Variants in BORCS5 observed in about 807,000 individuals in gnomAD.
BORCS5 encodes the protein BLOC-1-related complex subunit 5.
Under a neutral mutation model 22.1 loss-of-function variants are expected in BORCS5, and 17 were observed. The ratio of observed to expected loss-of-function variants is 0.77; its 90% CI spans 0.53 to 1.15. The LOEUF (loss-of-function observed/expected upper bound fraction) is 1.15. BORCS5 is among the 50% of genes most tolerant of loss of function. BORCS5 has a pLI of 0.00. For missense variants in BORCS5, 247 were observed against 253.2 expected, an observed-to-expected ratio of 0.98 and a Z score of 0.17; for synonymous variants, 117 against 99.8, an observed-to-expected ratio of 1.17 and a Z score of -1.03.
intron 2 of BORCS5, among the ~76,000 whole-genome samples, chr12:12,363,312 A>G (rs567668471): frequency 1.7e-4 from 26 of 151,774 alleles, no homozygotes; most frequent in African/African-American, 6.3e-4. Flanking sequence ...AAAAAAAAAA[A>G]AAGCCGGCCA....
chr12:12,379,593 A>T (rs1402653707), intron 2 of BORCS5, among the ~76,000 whole-genome samples: 5 of 151,558 alleles, frequency 3.3e-5, no homozygotes, highest in African/African-American at 1.2e-4. Flanking sequence ...AGAGCTTTTA[A>T]GATCCACTAA....
At position 12,465,837 on chromosome 12, in the gene BORCS5, A is replaced by G; in HGVS notation, c.*61A>G. ...ACACCGACACCCTGAGGACGTGTGGAGCTAAGGTCATATCATCTGACCAGG... is the reference window on the plus strand; with the variant it reads ...ACACCGACACCCTGAGGACGTGTGGGGCTAAGGTCATATCATCTGACCAGG... On this transcript the variant is annotated 3_prime_UTR_variant, in exon 4 of 4. Coordinates refer to ENST00000314565, the MANE Select transcript of BORCS5 (RefSeq NM_058169.6). The G allele has an allele frequency of 2.8e-6, 4 of 1,420,556 alleles. No homozygotes were observed. Among genetic ancestry groups the G allele is most frequent in the East Asian group, 2.4e-5 (1 of 41,532 alleles). 88.0% of individuals were successfully genotyped at this position (1,420,556 alleles called of 1,614,324 possible).
intron 2 of BORCS5, among the ~76,000 whole-genome samples, chr12:12,423,043 C>T (rs1942181435): frequency 6.6e-6 from 1 of 151,662 alleles, no homozygotes; most frequent in Non-Finnish European, 1.5e-5. Flanking sequence ...ACTCTGTCAC[C>T]TAGGCTGGAG....
intron 2 of BORCS5, among the ~76,000 whole-genome samples, chr12:12,425,780 T>C (rs79706314): frequency 0.017 from 2,611 of 152,300 alleles, 77 homozygotes; most frequent in African/African-American, 0.06. Context: ...AATGAGATCA[T>C]TTCTTTGCTA....
intron 2 of BORCS5, among the ~76,000 whole-genome samples, chr12:12,404,952 C>T (rs912859352): frequency 1.3e-5 from 2 of 152,172 alleles, no homozygotes; most frequent in Non-Finnish European, 2.9e-5. Flanking sequence ...CCACCCACCT[C>T]GGCCTCCTAA....
intron 3 of BORCS5, among the ~76,000 whole-genome samples, chr12:12,442,023 C>A (rs1252466107): frequency 1.3e-5 from 2 of 152,142 alleles, no homozygotes; most frequent in African/African-American, 4.8e-5. Flanking sequence ...TAGGTTACAT[C>A]TATCATTGAA....
chr12:12,379,342 T>C (rs1863727180), intron 2 of BORCS5, among the ~76,000 whole-genome samples: 1 of 151,144 alleles, frequency 6.6e-6, no homozygotes, highest in South Asian at 2.1e-4. Flanking sequence ...CTTGAACTCC[T>C]GGCCTCAGGT....
intron 2 of BORCS5, among the ~76,000 whole-genome samples, chr12:12,378,837 C>G (rs952125335): frequency 6.6e-6 from 1 of 151,312 alleles, no homozygotes; most frequent in African/African-American, 2.4e-5. Context: ...ACTGCAGCCT[C>G]GACCTCCCAG....
chr12:12,447,977 A>T lies in BORCS5; in HGVS notation c.360+12192A>T, dbSNP rs1049649770. Among the ~76,000 whole-genome samples the T allele has an allele frequency of 7.4e-4, 112 of 152,178 alleles. 1 individual carries two copies. Among genetic ancestry groups the T allele is most frequent in the African/African-American group, 2.7e-3 (111 of 41,514 alleles). ...TGATGTGGTAGTGACAGCAGCAATA[A>T]TGTTGCAGCTGTCGTTTTTACATGT... On this transcript the variant is annotated intron_variant, in intron 3 of 3. Coordinates refer to ENST00000314565, the MANE Select transcript of BORCS5 (RefSeq NM_058169.6).
chr12:12,458,003 C>CA (rs1437458904), intron 3 of BORCS5, among the ~76,000 whole-genome samples: 2 of 152,214 alleles, frequency 1.3e-5, no homozygotes, highest in Non-Finnish European at 2.9e-5. Context: ...TAGAAGTCTC[C>CA]AGAGTCCTTA....
chr12:12,409,474 A>G (rs895046776), intron 2 of BORCS5, among the ~76,000 whole-genome samples: 3 of 151,682 alleles, frequency 2.0e-5, no homozygotes, highest in Non-Finnish European at 2.9e-5. Context: ...GTGAGAACAT[A>G]TGGTGTTTGG....
At chr12:12,449,495 A>C (rs1283843012) in intron 3 of BORCS5, among the ~76,000 whole-genome samples, 1 of 152,214 alleles carries the variant, frequency 6.6e-6, no homozygotes, top group Non-Finnish European at 1.5e-5. Flanking sequence ...TAAAGGTTTT[A>C]GGATTTCTGT....
intron 2 of BORCS5, among the ~76,000 whole-genome samples, chr12:12,394,054 G>A (rs1000172599): frequency 6.6e-6 from 1 of 151,938 alleles, no homozygotes; most frequent in East Asian, 1.9e-4. Context: ...GGCCGGGTGC[G>A]GTGGCTCATG....
In BORCS5 at chr12:12,366,629, T is replaced by A. The variant is rs1592054966; in HGVS notation, c.202+5280T>A. 2.0e-5 allele frequency among the ~76,000 whole-genome samples: 3 copies of A among 152,346 alleles called. No individual in the cohort carries two copies. The South Asian group carries it at 6.2e-4, about 32-fold the overall frequency. On this transcript the variant is annotated intron_variant, in intron 2 of 3. Coordinates refer to ENST00000314565, the MANE Select transcript of BORCS5 (RefSeq NM_058169.6). ...GGCAAAATAGTAGATTTGATGTAAGTTAGCAAGATTCCAAGAAGTTAACAA... is the reference window on the plus strand; with the variant it reads ...GGCAAAATAGTAGATTTGATGTAAGATAGCAAGATTCCAAGAAGTTAACAA...
intron 2 of BORCS5, among the ~76,000 whole-genome samples, chr12:12,433,413 A>G (rs1942480479): frequency 6.8e-6 from 1 of 147,378 alleles, no homozygotes; most frequent in African/African-American, 2.5e-5. Flanking sequence ...CCAAGGTGGG[A>G]GGATCTCTTG....
chr12:12,411,733 G>C (rs920963098), intron 2 of BORCS5, among the ~76,000 whole-genome samples: 3 of 152,148 alleles, frequency 2.0e-5, no homozygotes, highest in African/African-American at 7.2e-5. Flanking sequence ...GGAAACTATA[G>C]TAAAAAACAT....
chr12:12,440,983 GA>G (rs1942671306), intron 3 of BORCS5, among the ~76,000 whole-genome samples: 1 of 152,226 alleles, frequency 6.6e-6, no homozygotes, highest in African/African-American at 2.4e-5. Context: ...TTTACAGGAT[GA>G]GGGGGAAGAG....
intron 2 of BORCS5, among the ~76,000 whole-genome samples, chr12:12,414,615 C>G (rs1273030071): frequency 2.0e-5 from 2 of 100,484 alleles, no homozygotes; most frequent in Non-Finnish European, 4.1e-5. Flanking sequence ...AGGGGCTCCT[C>G]ACTTCCCAGT....
chr12:12,362,384 C>G (rs1201555949), intron 2 of BORCS5, among the ~76,000 whole-genome samples: 1 of 152,140 alleles, frequency 6.6e-6, no homozygotes, highest in Non-Finnish European at 1.5e-5. Context: ...AGTGCTTCAT[C>G]TGTTTCATAA....
Sources: gnomAD v4.1 joint callset for allele counts (sites outside exome capture counted in the v4.1 genomes callset) on GRCh38, gnomAD v4.1.1 for gene constraint, MANE v1.5 for transcripts, NCBI Gene and HGNC (gene_info 2026-07-23, HGNC 2026-07-21) for gene names.